CFAP61: variants seen among roughly 807,000 people sequenced by gnomAD.
CFAP61 encodes the protein cilia and flagella associated protein 61.
In CFAP61, 107 loss-of-function variants were observed where a neutral mutation model predicts 135.6. That is an observed-to-expected ratio of 0.79 (90% CI 0.67 to 0.93). CFAP61 has a LOEUF of 0.93. Ranked by LOEUF, CFAP61 falls within the 40% of genes least tolerant of loss-of-function variation. The pLI is 0.00. For synonymous variants in CFAP61, 575 were observed against 578.5 expected, an observed-to-expected ratio of 0.99 and a Z score of 0.09; for missense variants, 1,507 against 1,556.2, an observed-to-expected ratio of 0.97 and a Z score of 0.53.
chr20:20,180,301 C>T (rs1366237467), intron 13 of CFAP61, among the ~76,000 whole-genome samples: 1 of 151,532 alleles, frequency 6.6e-6, no homozygotes, highest in Non-Finnish European at 1.5e-5. Flanking sequence ...TGCACTCCAG[C>T]CTGGGCAACA....
chr20:20,114,858 G>C (rs1165115404), intron 8 of CFAP61, among the ~76,000 whole-genome samples: 27 of 152,240 alleles, frequency 1.8e-4, no homozygotes, highest in African/African-American at 6.5e-4. Context: ...ATAACTTTGT[G>C]AATACTCATT....
At chr20:20,305,089 C>G (rs151207301) in intron 25 of CFAP61, among the ~76,000 whole-genome samples, 1 of 152,328 alleles carries the variant, frequency 6.6e-6, no homozygotes, top group East Asian at 1.9e-4. Flanking sequence ...AGACTGCCCT[C>G]AGACAGCCCG....
chr20:20,110,156 C>T (rs6112769), intron 8 of CFAP61, among the ~76,000 whole-genome samples: 19,080 of 152,000 alleles, frequency 0.13, 1,381 homozygotes, highest in Non-Finnish European at 0.15. Flanking sequence ...GATCCACTTG[C>T]CTAGGCTTCC....
chr20:20,137,782 C>G (rs1221713829), intron 8 of CFAP61, among the ~76,000 whole-genome samples: 1 of 152,124 alleles, frequency 6.6e-6, no homozygotes, highest in Non-Finnish European at 1.5e-5. Flanking sequence ...AGACAAAGTC[C>G]CCTTTACTCT....
intron 19 of CFAP61, among the ~76,000 whole-genome samples, chr20:20,246,853 A>C (rs2050494661): frequency 6.6e-6 from 1 of 152,258 alleles, no homozygotes; most frequent in East Asian, 1.9e-4. Context: ...GATTCATTTT[A>C]GATTCCATGA....
At chr20:20,152,360 T>C (rs746136076) in intron 9 of CFAP61, among the ~76,000 whole-genome samples, 6 of 151,044 alleles carry the variant, frequency 4.0e-5, no homozygotes, top group Non-Finnish European at 8.8e-5. Flanking sequence ...AATAAAACAG[T>C]ACCTCATATC....
chr20:20,159,363 T>A lies in CFAP61; in HGVS notation c.952-7T>A. The A allele has an allele frequency of 1.2e-6, 2 of 1,613,686 alleles. No individual in the cohort carries two copies. Among genetic ancestry groups the A allele is most frequent in the Non-Finnish European group, 1.7e-6 (2 of 1,179,600 alleles). Reference sequence around the variant, plus strand: ...TAATTTTCATGTTTTGCTGTCATCATTTCCAGGGAAATATTGCCAGAGAAG... The same window carrying A: ...TAATTTTCATGTTTTGCTGTCATCAATTCCAGGGAAATATTGCCAGAGAAG... On this transcript the variant is annotated splice_polypyrimidine_tract_variant and splice_region_variant and intron_variant, in intron 9 of 26. Transcript: ENST00000245957.
At chr20:20,219,680 T>C (rs1842361994) in intron 17 of CFAP61, among the ~76,000 whole-genome samples, 1 of 152,234 alleles carries the variant, frequency 6.6e-6, no homozygotes, top group South Asian at 2.1e-4. Flanking sequence ...ATTTTTTTCA[T>C]TTCACAAAAA....
chr20:20,246,786 T>C (rs1267529515), intron 19 of CFAP61, among the ~76,000 whole-genome samples: 2 of 152,220 alleles, frequency 1.3e-5, no homozygotes, highest in African/African-American at 2.4e-5. Flanking sequence ...TCTCTGCCTC[T>C]AGAAACAAGC....
intron 21 of CFAP61, among the ~76,000 whole-genome samples, chr20:20,275,981 G>A (rs2053730580): frequency 6.6e-6 from 1 of 152,204 alleles, no homozygotes; most frequent in African/African-American, 2.4e-5. Flanking sequence ...GCGAGGGCAG[G>A]AATGGAGAGA....
chr20:20,166,825 G>A (rs2053874010), intron 12 of CFAP61, among the ~76,000 whole-genome samples: 1 of 152,178 alleles, frequency 6.6e-6, no homozygotes, highest in Non-Finnish European at 1.5e-5. Context: ...GGGACTTGTT[G>A]ATTTTGAGGT....
At chr20:20,321,206 TCA>T (rs1465402794) in intron 25 of CFAP61, among the ~76,000 whole-genome samples, 1 of 152,116 alleles carries the variant, frequency 6.6e-6, no homozygotes, top group Middle Eastern at 3.2e-3. Flanking sequence ...AGATAAAACT[TCA>T]TTTATCATAA....
At chr20:20,166,743 G>GTTATA (rs1743651040) in intron 12 of CFAP61, among the ~76,000 whole-genome samples, 1 of 151,950 alleles carries the variant, frequency 6.6e-6, no homozygotes, top group African/African-American at 2.4e-5. Flanking sequence ...GAATGACACT[G>GTTATA]TTATTTTATA....
intron 25 of CFAP61, among the ~76,000 whole-genome samples, chr20:20,336,128 A>G (rs1051233080): frequency 2.0e-5 from 3 of 152,158 alleles, no homozygotes; most frequent in Non-Finnish European, 2.9e-5. Context: ...GCATGAAGCT[A>G]TAATAGAACA....
intron 25 of CFAP61, among the ~76,000 whole-genome samples, chr20:20,302,474 C>A (rs1425102064): frequency 6.6e-6 from 1 of 152,062 alleles, no homozygotes; most frequent in African/African-American, 2.4e-5. Flanking sequence ...CCAGCCTGGC[C>A]AACATGGGGA....
Position 20,191,221 on chromosome 20 carries a change from G to A in CFAP61, c.1513-121G>A. Reference sequence around the variant, plus strand: ...TTAACTTACTACCTGGCCAAAAGTAGGTGTTGATAGATGTTTGTTCTGTTG... The same window carrying A: ...TTAACTTACTACCTGGCCAAAAGTAAGTGTTGATAGATGTTTGTTCTGTTG... On this transcript the variant is annotated intron_variant, in intron 14 of 26. Transcript: ENST00000245957. 6.1e-6 allele frequency: 4 copies of A among 656,688 alleles called. No homozygotes were observed. The South Asian group carries it at 1.0e-4, about 17-fold the overall frequency. The allele number at this position is 656,688 out of a possible 1,614,324, so 40.7% of individuals were successfully genotyped here.
At chr20:20,161,296 T>C (rs1423782443) in intron 10 of CFAP61, among the ~76,000 whole-genome samples, 6 of 152,012 alleles carry the variant, frequency 3.9e-5, no homozygotes, top group African/African-American at 7.2e-5. Context: ...TCAAACATGG[T>C]TGGAACCCCA....
intron 2 of CFAP61, among the ~76,000 whole-genome samples, chr20:20,062,021 T>G (rs568083636): frequency 6.6e-6 from 1 of 152,308 alleles, no homozygotes; most frequent in South Asian, 2.1e-4. Flanking sequence ...TTTTGTGATC[T>G]TGGGAGCCTT....
At chr20:20,062,194 T>C (rs1174796725) in intron 2 of CFAP61, among the ~76,000 whole-genome samples, 1 of 152,126 alleles carries the variant, frequency 6.6e-6, no homozygotes. Context: ...CCAGCCCCTT[T>C]GGGCCACCCT....
Sources: gnomAD v4.1 joint callset for allele counts (sites outside exome capture counted in the v4.1 genomes callset) on GRCh38, gnomAD v4.1.1 for gene constraint, MANE v1.5 for transcripts, NCBI Gene and HGNC (gene_info 2026-07-23, HGNC 2026-07-21) for gene names.